Variants in DCAF6 observed in about 807,000 individuals in gnomAD.
DCAF6 encodes DDB1 and CUL4 associated factor 6, also known as DDB1- and CUL4-associated factor 6.
A neutral mutation model predicts 125.1 loss-of-function variants in DCAF6; 54 were observed. The ratio of observed to expected loss-of-function variants is 0.43; its 90% CI spans 0.35 to 0.54. The LOEUF is 0.54. Ranked by LOEUF, DCAF6 falls within the 20% of genes least tolerant of loss-of-function variation. DCAF6 has a pLI of 0.01. For missense variants in DCAF6, 934 were observed against 1,161.7 expected (o/e 0.80, Z 2.85); for synonymous variants, 371 against 390.4 (o/e 0.95, Z 0.58).
the DCAF6 span, chr1:167,870,375 T>G: frequency 6.2e-7 from 1 of 1,612,578 alleles, no homozygotes; most frequent in Non-Finnish European, 8.5e-7. Context: ...AATTTCTTCA[T>G]AGTATACATG....
the DCAF6 span, chr1:167,901,565 A>G: frequency 7.9e-7 from 1 of 1,267,138 alleles, no homozygotes; most frequent in Admixed American, 1.7e-5. Flanking sequence ...GGGCTGAGCC[A>G]CCATGTTCTA....
chr1:167,919,921 A>T, the DCAF6 span: 12 of 1,298,116 alleles, frequency 9.2e-6, no homozygotes, highest in African/African-American at 1.2e-4. Context: ...AAAAAAAAAA[A>T]TTAGTGCCAT....
At chr1:167,876,047 A>G in the DCAF6 span, among the ~76,000 whole-genome samples, 7 of 152,322 alleles carry the variant, frequency 4.6e-5, no homozygotes, top group South Asian at 6.2e-4. Flanking sequence ...ATCTGAGGTC[A>G]GGAGTTTGAG....
intron 17 of DCAF6, among the ~76,000 whole-genome samples, chr1:168,052,844 C>T (rs1243213234): frequency 6.6e-6 from 1 of 152,160 alleles, no homozygotes; most frequent in Non-Finnish European, 1.5e-5. Context: ...AGTTCTCCAA[C>T]TCCTTCTACT....
At chr1:168,037,107 T>C (rs1338491206) in intron 12 of DCAF6, among the ~76,000 whole-genome samples, 1 of 145,682 alleles carries the variant, frequency 6.9e-6, no homozygotes, top group Non-Finnish European at 1.5e-5. Flanking sequence ...CCCCCCCCTT[T>C]TTTTTTTTTT....
Position 167,936,861 on chromosome 1 carries a change from C to CA in DCAF6, c.-51_-50insA. ...TTGAAACGGGTGTCCCCTCCCCCTC[C>CA]TCCCCTCCCCCACGCGGTGGTCTCC... On this transcript the variant is annotated 5_prime_UTR_variant, in exon 1 of 22. Coordinates refer to ENST00000367840, the MANE Select transcript of DCAF6 (RefSeq NM_001198956.2). 7.6e-6 allele frequency: 11 copies of CA among 1,442,134 alleles called. No individual in the cohort carries two copies. The highest frequency in any genetic ancestry group is 1.4e-5 in the African/African-American group (1 of 70,996). 89.3% of individuals were successfully genotyped at this position (1,442,134 alleles called of 1,614,324 possible).
intron 16 of DCAF6, among the ~76,000 whole-genome samples, chr1:168,047,260 A>C (rs1183124332): frequency 6.6e-6 from 1 of 152,100 alleles, no homozygotes; most frequent in Non-Finnish European, 1.5e-5. Flanking sequence ...GATCTGTCAC[A>C]AAGTTGGTTC....
chr1:168,005,561 T>C (rs1490651427), intron 10 of DCAF6, among the ~76,000 whole-genome samples: 1 of 152,128 alleles, frequency 6.6e-6, no homozygotes, highest in East Asian at 1.9e-4. Flanking sequence ...ATAGTTTTCT[T>C]TGGTTCTTCT....
Position 167,954,945 on chromosome 1 carries a change from A to C in DCAF6, c.159+3084A>C, listed in dbSNP as rs548997717. On this transcript the variant is annotated intron_variant, in intron 2 of 21. Transcript: ENST00000367840. Reference sequence around the variant, plus strand: ...TTACACATCACCCTCAACCCCAGTCAACCAATGATCTCTATTCTGTCACTA... The same window carrying C: ...TTACACATCACCCTCAACCCCAGTCCACCAATGATCTCTATTCTGTCACTA... 5.3e-5 allele frequency among the ~76,000 whole-genome samples: 8 copies of C among 152,338 alleles called. No homozygotes were observed. The South Asian group carries it at 1.5e-3, about 28-fold the overall frequency.
At chr1:167,874,978 G>T in the DCAF6 span, among the ~76,000 whole-genome samples, 1 of 152,122 alleles carries the variant, frequency 6.6e-6, no homozygotes, top group Non-Finnish European at 1.5e-5. Context: ...AGTAATCCTG[G>T]TGTATTGCTA....
At chr1:168,054,866 C>G (rs1041413754) in intron 17 of DCAF6, among the ~76,000 whole-genome samples, 5 of 148,724 alleles carry the variant, frequency 3.4e-5, no homozygotes, top group African/African-American at 5.0e-5. Flanking sequence ...GCCCAGGCTG[C>G]AGTGCAGTGG....
the DCAF6 span, among the ~76,000 whole-genome samples, chr1:167,887,728 A>G: frequency 6.6e-6 from 1 of 151,686 alleles, no homozygotes; most frequent in Admixed American, 6.6e-5. Context: ...AAAATAAAAG[A>G]TTAAAAAAAC....
chr1:167,879,784 AT>A, the DCAF6 span, among the ~76,000 whole-genome samples: 2 of 152,172 alleles, frequency 1.3e-5, no homozygotes, highest in Non-Finnish European at 2.9e-5. Flanking sequence ...AACATTCATA[AT>A]TTTTAAGGAG....
At chr1:167,933,213 G>C (rs375926857), upstream of DCAF6, among the ~76,000 whole-genome samples, 2 of 150,746 alleles carry the variant, frequency 1.3e-5, no homozygotes, top group Non-Finnish European at 2.9e-5. Flanking sequence ...CTGTTGCCAG[G>C]CTGGAGTGCA....
chr1:167,987,242 A>G (rs1395077150), intron 4 of DCAF6, among the ~76,000 whole-genome samples: 2 of 152,210 alleles, frequency 1.3e-5, no homozygotes, highest in Non-Finnish European at 2.9e-5. Context: ...ATAACTTCAG[A>G]TAACTTTTTA....
chr1:167,998,953 A>C (rs193152495), intron 7 of DCAF6, among the ~76,000 whole-genome samples: 71 of 152,226 alleles, frequency 4.7e-4, no homozygotes, highest in Non-Finnish European at 9.4e-4. Context: ...GTTCTTAATA[A>C]GGCATCTAGA....
intron 17 of DCAF6, chr1:168,056,388 A>T: frequency 6.7e-7 from 1 of 1,488,970 alleles, no homozygotes; most frequent in South Asian, 1.2e-5. Context: ...GGTGCAGAGC[A>T]GGGCCCGCAC....
At chr1:168,041,894 G>GCGCACACACA (rs1220588082) in intron 13 of DCAF6, among the ~76,000 whole-genome samples, 1 of 54,442 alleles carries the variant, frequency 1.8e-5, no homozygotes, top group African/African-American at 8.6e-5. Flanking sequence ...TGTTTGTCGC[G>GCGCACACACA]CACACACACA....
intron 17 of DCAF6, among the ~76,000 whole-genome samples, chr1:168,058,414 C>T (rs1394559807): frequency 6.6e-6 from 1 of 152,122 alleles, no homozygotes; most frequent in African/African-American, 2.4e-5. Flanking sequence ...TTTTAAAAAT[C>T]GTGTTTATTC....
Sources: gnomAD v4.1 joint callset for allele counts (sites outside exome capture counted in the v4.1 genomes callset) on GRCh38, gnomAD v4.1.1 for gene constraint, MANE v1.5 for transcripts, NCBI Gene and HGNC (gene_info 2026-07-23, HGNC 2026-07-21) for gene names.